RXFP2: variants seen among roughly 807,000 people sequenced by gnomAD.
RXFP2 encodes the protein relaxin family peptide receptor 2, also known as relaxin receptor 2.
In RXFP2, 68 loss-of-function variants were observed where a neutral mutation model predicts 88.6. The observed-to-expected ratio is 0.77, with a 90% CI of 0.63 to 0.94. The LOEUF is 0.94. RXFP2 is among the 40% of genes least tolerant of loss of function. The probability of loss-of-function intolerance (pLI) is 0.00; values close to 1 mark genes in which losing one functional copy is unlikely to be tolerated. For synonymous variants in RXFP2, 329 were observed against 306.8 expected, an observed-to-expected ratio of 1.07 and a Z score of -0.76; for missense variants, 791 against 893.9, an observed-to-expected ratio of 0.88 and a Z score of 1.47.
rs371969412 is a variant in RXFP2 at position 31,781,348 on chromosome 13, G to A, written c.786-323G>A. On this transcript the variant is annotated intron_variant, in intron 9 of 17. Coordinates refer to ENST00000298386, the MANE Select transcript of RXFP2 (RefSeq NM_130806.5). ...ATTTGGCAGGAGTGCTGTGTGATGC[G>A]TGTAGAACAGCACCTGGCACCATAA... 9.9e-5 allele frequency among the ~76,000 whole-genome samples: 15 copies of A among 152,212 alleles called. No homozygotes were observed. The South Asian group carries it at 1.0e-3, about 11-fold the overall frequency.
chr13:31,801,594 T>A (rs927709486), intron 17 of RXFP2, among the ~76,000 whole-genome samples: 1 of 152,178 alleles, frequency 6.6e-6, no homozygotes, highest in Non-Finnish European at 1.5e-5. Flanking sequence ...GAATATTCTA[T>A]TAGCATTTGT....
At chr13:31,794,463 C>T (rs772741413) in intron 16 of RXFP2, among the ~76,000 whole-genome samples, 4 of 151,254 alleles carry the variant, frequency 2.6e-5, no homozygotes, top group Non-Finnish European at 5.9e-5. Context: ...ATAGGCTGTG[C>T]ACTATATACT....
intron 1 of RXFP2, among the ~76,000 whole-genome samples, chr13:31,757,016 G>T (rs17076594): frequency 0.03 from 4,535 of 152,236 alleles, 94 homozygotes; most frequent in Non-Finnish European, 0.042. Flanking sequence ...AAAATTGAAA[G>T]AATATCTCTT....
chr13:31,758,169 C>T (rs1206104131), intron 1 of RXFP2, 89 bp from the exon 2 acceptor site: 10 of 1,313,122 alleles, frequency 7.6e-6, no homozygotes, highest in South Asian at 2.4e-5. Context: ...ATGAACTCAA[C>T]TCATATAGCT....
chr13:31,771,092 T>A (rs927807205), intron 5 of RXFP2, among the ~76,000 whole-genome samples: 2 of 152,206 alleles, frequency 1.3e-5, no homozygotes, highest in African/African-American at 2.4e-5. Context: ...TGAATCTTGA[T>A]TGTATGCCAG....
chr13:31,764,346 A>G lies in RXFP2; in HGVS notation c.320-691A>G, dbSNP rs1404071490. Among the ~76,000 whole-genome samples, 9 of 151,668 alleles carry G rather than the reference A, an allele frequency of 5.9e-5. No individual in the cohort carries two copies. In the East Asian group the frequency reaches 1.7e-3, roughly 29 times the overall value. ...TTCTCCTTAGATTTCTCACTCCTTT[A>G]CATGTCATTATCCTAGTAACTACGT... On this transcript the variant is annotated intron_variant, in intron 3 of 17. Transcript: ENST00000298386.
At chr13:31,751,381 G>A (rs981158248) in intron 1 of RXFP2, among the ~76,000 whole-genome samples, 1 of 152,090 alleles carries the variant, frequency 6.6e-6, no homozygotes, top group African/African-American at 2.4e-5. Flanking sequence ...AGGTCGAGGT[G>A]AGCACAGAAC....
At position 31,764,748 on chromosome 13, in the gene RXFP2, C is replaced by T. The variant is rs9576936; in HGVS notation, c.320-289C>T. ...TGTTTTTCATTGAAGTGAACTTAAT[C>T]TTGCTTCACTAGATGAGTTTATGCT... On this transcript the variant is annotated intron_variant, in intron 3 of 17. Coordinates refer to ENST00000298386, the MANE Select transcript of RXFP2 (RefSeq NM_130806.5). 1.8e-3 allele frequency among the ~76,000 whole-genome samples: 281 copies of T among 152,308 alleles called. 5 individuals are homozygous for T. In the East Asian group the frequency reaches 0.051, roughly 28 times the overall value.
Position 31,802,905 on chromosome 13 carries a change from A to T in RXFP2, c.*500A>T, listed in dbSNP as rs1341216595. 1 of 164,306 alleles carries T rather than the reference A, an allele frequency of 6.1e-6. No individual in the cohort carries two copies. The highest frequency in any genetic ancestry group is 1.3e-5 in the Non-Finnish European group (1 of 74,840). The allele number at this position is 164,306 out of a possible 1,614,324, so 10.2% of individuals were successfully genotyped here. On this transcript the variant is annotated 3_prime_UTR_variant, in exon 18 of 18. Transcript: ENST00000298386. The stretch of plus-strand genomic sequence containing the variant: ...ATTTCCAAAATATTCATCTACCCGA[A>T]GTCCTCCTCTGTGAAGGCCGGTGGA...
intron 4 of RXFP2, 41 bp from the exon 5 acceptor site, chr13:31,765,915 A>AT (rs768585190): frequency 1.0e-6 from 1 of 999,510 alleles, no homozygotes; most frequent in South Asian, 1.4e-5. Flanking sequence ...TGGGTTGGCC[A>AT]TAACAATCCA....
chr13:31,776,732 C>T (rs1048917047), intron 7 of RXFP2, among the ~76,000 whole-genome samples: 6 of 152,196 alleles, frequency 3.9e-5, no homozygotes, highest in Non-Finnish European at 8.8e-5. Flanking sequence ...CTCCTGCCCT[C>T]ACCGGCCACT....
chr13:31,757,802 T>C (rs1036618978), intron 1 of RXFP2, among the ~76,000 whole-genome samples: 5 of 152,074 alleles, frequency 3.3e-5, no homozygotes, highest in African/African-American at 9.7e-5. Context: ...CTGTTTAAAA[T>C]GTTATCATTG....
chr13:31,765,884 C>T (rs1434436005), intron 4 of RXFP2, 72 bp from the exon 5 acceptor site: 6 of 749,612 alleles, frequency 8.0e-6, no homozygotes, highest in African/African-American at 1.7e-5. Flanking sequence ...TTTTCCCAAG[C>T]ATGTGGCTTC....
intron 1 of RXFP2, among the ~76,000 whole-genome samples, chr13:31,741,671 G>A (rs1038282352): frequency 1.3e-5 from 2 of 152,018 alleles, no homozygotes; most frequent in Admixed American, 6.5e-5. Flanking sequence ...TAAGGAATGA[G>A]TGATTGCCTT....
intron 1 of RXFP2, among the ~76,000 whole-genome samples, chr13:31,753,194 G>T (rs1301204142): frequency 6.6e-6 from 1 of 152,136 alleles, no homozygotes; most frequent in Non-Finnish European, 1.5e-5. Context: ...AAAGCAAAAA[G>T]GGACTTGTAT....
At chr13:31,781,598 A>G (rs1486027638) in intron 9 of RXFP2, 73 bp from the exon 10 acceptor site, 5 of 1,093,542 alleles carry the variant, frequency 4.6e-6, no homozygotes, top group Non-Finnish European at 6.9e-6. Flanking sequence ...CTTGATAACC[A>G]TTTTAAAAAG....
chr13:31,775,296 A>T (rs761368747), intron 6 of RXFP2, 22 bp from the exon 7 acceptor site: 2 of 1,593,102 alleles, frequency 1.3e-6, no homozygotes, highest in South Asian at 2.2e-5. Context: ...TTGCCTAATT[A>T]ACTCACCCAT....
chr13:31,797,088 C>G (rs909989406), intron 16 of RXFP2, 113 bp from the exon 17 acceptor site: 4 of 798,642 alleles, frequency 5.0e-6, no homozygotes, highest in Non-Finnish European at 8.8e-6. Flanking sequence ...AATCCGAAAT[C>G]CAAAACATTT....
intron 5 of RXFP2, among the ~76,000 whole-genome samples, chr13:31,768,730 C>T (rs547169660): frequency 7.0e-4 from 106 of 152,280 alleles, no homozygotes; most frequent in African/African-American, 2.5e-3. Flanking sequence ...CTCAACAATG[C>T]TTCCTTAAAT....
Sources: allele counts gnomAD v4.1 joint callset (sites outside exome capture counted in the v4.1 genomes callset), GRCh38; gene constraint gnomAD v4.1.1; transcripts MANE v1.5; gene names NCBI Gene and HGNC (gene_info 2026-07-23, HGNC 2026-07-21).